Variants in VWA5B1 observed in about 807,000 individuals in gnomAD.
The protein encoded by VWA5B1 is von Willebrand factor A domain-containing protein 5B1.
Under a neutral mutation model 118.2 loss-of-function variants are expected in VWA5B1, and 115 were observed. The observed-to-expected ratio is 0.97, with a 90% CI of 0.84 to 1.14. The LOEUF is 1.14. Ranked by LOEUF, VWA5B1 falls within the 50% of genes most tolerant of loss-of-function variation. The pLI, the probability that VWA5B1 is intolerant of heterozygous loss-of-function variation, is 0.00. For synonymous variants in VWA5B1, 682 were observed against 658.4 expected (o/e 1.04, Z -0.55); for missense variants, 1,596 against 1,603.8 (o/e 1.00, Z 0.08).
intron 1 of VWA5B1, among the ~76,000 whole-genome samples, chr1:20,292,046 C>T (rs1465206690): frequency 6.6e-6 from 1 of 152,142 alleles, no homozygotes; most frequent in Admixed American, 6.5e-5. Context: ...CCACTAACCC[C>T]GTTCCTTCTT....
chr1:20,313,752 AGTT>A (rs2088917069), intron 3 of VWA5B1, among the ~76,000 whole-genome samples: 1 of 152,178 alleles, frequency 6.6e-6, no homozygotes, highest in East Asian at 1.9e-4. Flanking sequence ...GTTGTCCCTG[AGTT>A]GTTATGATTT....
chr1:20,322,112 G>A (rs1042271366), intron 7 of VWA5B1, among the ~76,000 whole-genome samples: 58 of 152,326 alleles, frequency 3.8e-4, no homozygotes, highest in African/African-American at 1.2e-3. Context: ...ATGTGGACGC[G>A]TTCTGGCTGC....
intron 7 of VWA5B1, 139 bp downstream of exon 7, chr1:20,319,645 G>A: frequency 7.5e-7 from 1 of 1,328,418 alleles, no homozygotes; most frequent in Non-Finnish European, 1.0e-6. Flanking sequence ...CAGGCAAGAA[G>A]TGTTTCCTTC....
At chr1:20,345,413 A>T (rs2089985560) in intron 16 of VWA5B1, 43 bp from the exon 17 acceptor site, 2 of 1,550,214 alleles carry the variant, frequency 1.3e-6, no homozygotes, top group Non-Finnish European at 1.7e-6. Context: ...GTCAGGGAAG[A>T]CTTTCTGAGT....
intron 2 of VWA5B1, 122 bp downstream of exon 2, chr1:20,310,862 C>G: frequency 7.5e-7 from 1 of 1,327,976 alleles, no homozygotes; most frequent in Non-Finnish European, 9.9e-7. Context: ...TCTGTTTCCT[C>G]ATCTATAAAA....
rs1171707861 is a variant in VWA5B1 at position 20,358,757 on chromosome 1, A to G, written c.*4494A>G. ...TTTTGTTCTTACCAATCTAGCAGAG[A>G]CTAGAGAAGTCAACAGAAAAAAGAT... is the stretch of plus-strand genomic sequence containing the variant. On this transcript the variant is annotated 3_prime_UTR_variant, in exon 22 of 22. Transcript: ENST00000289815. Among the ~76,000 whole-genome samples the G allele has an allele frequency of 6.6e-6, 1 of 152,246 alleles. No homozygotes were observed. The highest frequency in any genetic ancestry group is 1.5e-5 in the Non-Finnish European group (1 of 68,048).
chr1:20,352,997 G>A (rs2090159417), intron 21 of VWA5B1, among the ~76,000 whole-genome samples: 1 of 152,188 alleles, frequency 6.6e-6, no homozygotes, highest in East Asian at 1.9e-4. Flanking sequence ...GGCAATGGGA[G>A]AGGTCTGGTT....
chr1:20,312,870 G>A lies in VWA5B1; in HGVS notation c.174G>A (p.Thr58=), dbSNP rs16823861. Residue 58 remains threonine, a synonymous_variant, in exon 3 of 22, where the codon ACG becomes ACA. Coordinates refer to ENST00000289815, the MANE Select transcript of VWA5B1 (RefSeq NM_001039500.3). ...LFVYPLDECT[T]VIGFEAVIAD... is the part of the protein sequence containing the mutation. The stretch of plus-strand genomic sequence containing the variant: ...TGTACCCCCTGGATGAGTGCACCAC[G>A]GTGATCGGCTTTGAGGCAGTCATTG... 4,596 of 1,551,626 alleles carry A rather than the reference G, an allele frequency of 3.0e-3. 131 individuals are homozygous for A. The African/African-American group carries it at 0.054, about 18-fold the overall frequency.
intron 12 of VWA5B1, among the ~76,000 whole-genome samples, chr1:20,334,320 T>A (rs902062663): frequency 6.6e-6 from 1 of 152,174 alleles, no homozygotes; most frequent in Non-Finnish European, 1.5e-5. Context: ...CTGGGAGGTC[T>A]AGAAGGCACC....
rs368641306 is a variant in VWA5B1 at position 20,357,435 on chromosome 1, G to A, written c.*3172G>A. Among the ~76,000 whole-genome samples the A allele has an allele frequency of 9.2e-5, 14 of 152,332 alleles. No individual in the cohort carries two copies. The East Asian group carries it at 1.2e-3, about 13-fold the overall frequency. On this transcript the variant is annotated 3_prime_UTR_variant, in exon 22 of 22. Transcript: ENST00000289815. ...TCTTTAGATTAGGACAACCTGACCC[G>A]TTAATATGTTACTGTGCGTTGTCAG...
chr1:20,322,163 A>G (rs545231949), intron 7 of VWA5B1, among the ~76,000 whole-genome samples: 14 of 152,278 alleles, frequency 9.2e-5, no homozygotes, highest in Middle Eastern at 3.4e-3. Context: ...TGCAGGATGG[A>G]ATGCGTGGAG....
intron 12 of VWA5B1, 148 bp downstream of exon 12, chr1:20,333,099 T>C: frequency 1.0e-6 from 1 of 1,003,262 alleles, no homozygotes; most frequent in Non-Finnish European, 1.4e-6. Context: ...CAGTTGTGGG[T>C]TTACAGTTGC....
At position 20,312,904 on chromosome 1, in the gene VWA5B1, G is replaced by T; in HGVS notation, c.208G>T (p.Val70Phe). Residue 70 changes from valine (V) to phenylalanine (F), a missense_variant, in exon 3 of 22, where the codon GTC (valine) becomes TTC (phenylalanine). By Grantham distance (50) the Val-to-Phe change is conservative. Coordinates refer to ENST00000289815, the MANE Select transcript of VWA5B1 (RefSeq NM_001039500.3). ...CTTTGAGGCAGTCATTGCCGACCGT[G>T]TCGTGACAGTACAGATCAAGGACAA... is the stretch of plus-strand genomic sequence containing the variant. ...IGFEAVIADR[V>F]VTVQIKDKAK... 13 of 1,551,710 alleles carry T rather than the reference G, an allele frequency of 8.4e-6. No homozygotes were observed. The highest frequency in any genetic ancestry group is 5.9e-5 in the Admixed American group (3 of 51,014).
At chr1:20,310,824 C>A in intron 2 of VWA5B1, 84 bp downstream of exon 2, 1 of 1,425,354 alleles carries the variant, frequency 7.0e-7, no homozygotes, top group Non-Finnish European at 9.2e-7. Context: ...GCTGACTGAC[C>A]TTAGGCAAGT....
chr1:20,330,360 C>A lies in VWA5B1; in HGVS notation c.1435C>A (p.Arg479=). The change falls in exon 10 of 22, where the codon CGA becomes AGA. Residue 479 remains arginine, a synonymous_variant. Transcript: ENST00000289815. The part of the protein sequence containing the change: ...NNTGKVLELV[R]NHAFSTRCYS... ...CACAGGGAAGGTGCTGGAGCTGGTG[C>A]GAAATCACGCCTTCTCCACCAGGTC... The A allele has an allele frequency of 1.3e-6, 2 of 1,551,714 alleles. No individual in the cohort carries two copies. Among genetic ancestry groups the A allele is most frequent in the Non-Finnish European group, 1.7e-6 (2 of 1,146,998 alleles).
rs1348467599 is a variant in VWA5B1 at position 20,336,481 on chromosome 1, A to G, written c.1937A>G (p.Lys646Arg). ...CTAGCCAGCGGAGACTCTACCACCA[A>G]GCACGGTTCGTCTGCGGCTCTGATG... Reference protein sequence around the residue: ...ARLASGDSTTKHDLNLSQRRR... With the variant: ...ARLASGDSTTRHDLNLSQRRR... The change falls in exon 13 of 22, where the codon AAG (lysine) becomes AGG (arginine). Residue 646 changes from lysine to arginine, a missense_variant. Transcript: ENST00000289815. 3 of 1,406,750 alleles carry G rather than the reference A, an allele frequency of 2.1e-6. No homozygotes were observed. The highest frequency in any genetic ancestry group is 1.9e-6 in the Non-Finnish European group (2 of 1,066,738). 87.1% of individuals were successfully genotyped at this position (1,406,750 alleles called of 1,614,324 possible). A position where few individuals can be genotyped will look rare whatever the true frequency, so the allele number is the denominator to read the frequency against.
chr1:20,310,747 A>G lies in VWA5B1; in HGVS notation c.139+7A>G, dbSNP rs1251391746. ...GAAGCCCAGCCCTTCCAGGGTAAGG[A>G]CACCTGCTGGGGCCTCCCCGGGACC... is the stretch of plus-strand genomic sequence containing the variant. On this transcript the variant is annotated splice_region_variant and intron_variant, in intron 2 of 21. Coordinates refer to ENST00000289815, the MANE Select transcript of VWA5B1 (RefSeq NM_001039500.3). 6.5e-7 allele frequency: 1 copy of G among 1,538,360 alleles called. No homozygotes were observed. The highest frequency in any genetic ancestry group is 2.1e-5 in the Admixed American group (1 of 47,862).
chr1:20,350,807 TG>T (rs2090113846), intron 19 of VWA5B1, 49 bp from the exon 20 acceptor site: 2 of 1,532,586 alleles, frequency 1.3e-6, no homozygotes, highest in Non-Finnish European at 1.8e-6. Context: ...AGTGAGCAGT[TG>T]GACGGGGTCA....
intron 18 of VWA5B1, 62 bp from the exon 19 acceptor site, chr1:20,350,094 G>A: frequency 6.7e-7 from 1 of 1,496,886 alleles, no homozygotes; most frequent in Non-Finnish European, 9.1e-7. Flanking sequence ...TTGCTCTCCT[G>A]AGGGGATGGG....
Sources: allele counts gnomAD v4.1 joint callset (sites outside exome capture counted in the v4.1 genomes callset), GRCh38; gene constraint gnomAD v4.1.1; transcripts MANE v1.5; gene names NCBI Gene and HGNC (gene_info 2026-07-23, HGNC 2026-07-21).